ZNF493: variants seen among roughly 807,000 people sequenced by gnomAD.
ZNF493 encodes zinc finger protein 493.
In ZNF493, 11 loss-of-function variants were observed where a neutral mutation model predicts 12.2. The observed-to-expected ratio is 0.90, with a 90% CI of 0.57 to 1.50. The LOEUF is 1.50. ZNF493 is among the 40% of genes most tolerant of loss of function. The pLI, the probability that ZNF493 is intolerant of heterozygous loss-of-function variation, is 0.00. For synonymous variants in ZNF493, 286 were observed against 302.6 expected (o/e 0.95, Z 0.57); for missense variants, 950 against 906.6 (o/e 1.05, Z -0.61).
rs149285716 is a variant in ZNF493 at position 21,425,940 on chromosome 19, G to A, written c.*956G>A. 1,210 of 683,836 alleles carry A rather than the reference G, an allele frequency of 1.8e-3. 13 individuals carry two copies. The African/African-American group carries it at 0.019, about 10-fold the overall frequency. 42.4% of individuals were successfully genotyped at this position (683,836 alleles called of 1,614,324 possible). A position where few individuals can be genotyped will look rare whatever the true frequency, so the allele number is the denominator to read the frequency against. ...CATACAGGAGAGAAACCCTACAAATGTGAAGAATGTGACAAAGCCTTTAAC... is the reference window on the plus strand; with the variant it reads ...CATACAGGAGAGAAACCCTACAAATATGAAGAATGTGACAAAGCCTTTAAC... On this transcript the variant is annotated 3_prime_UTR_variant, in exon 4 of 4. Coordinates refer to ENST00000392288, the MANE Select transcript of ZNF493 (RefSeq NM_001076678.3).
intron 3 of ZNF493, among the ~76,000 whole-genome samples, chr19:21,415,705 T>A (rs1436687904): frequency 2.0e-5 from 3 of 152,356 alleles, no homozygotes; most frequent in Non-Finnish European, 4.4e-5. Flanking sequence ...ATTGTTGGAC[T>A]GTTTAACATG....
At chr19:21,407,786 T>C (rs1157869911) in intron 3 of ZNF493, 1 of 985,038 alleles carries the variant, frequency 1.0e-6, no homozygotes, top group African/African-American at 1.7e-5. Context: ...CTTATTTGTC[T>C]TCAGTTTCAA....
At chr19:21,400,245 A>G (rs2029895467) in intron 1 of ZNF493, among the ~76,000 whole-genome samples, 1 of 152,154 alleles carries the variant, frequency 6.6e-6, no homozygotes, top group Non-Finnish European at 1.5e-5. Context: ...CCCTGCCTCT[A>G]CTAAAAATAG....
In ZNF493 at chr19:21,399,406, C is replaced by T. The variant is rs528026158; in HGVS notation, c.30+2139C>T. 1.3e-4 allele frequency among the ~76,000 whole-genome samples: 20 copies of T among 151,752 alleles called. No homozygotes were observed. In the East Asian group the frequency reaches 2.1e-3, roughly 16 times the overall value. ...CAATCTCCTGACCTCATAATCCATC[C>T]GCCTCGGCCTCCCAAAGTGCTGGGA... On this transcript the variant is annotated intron_variant, in intron 1 of 3. Transcript: ENST00000392288.
At chr19:21,405,717 G>A in intron 2 of ZNF493, 44 bp from the exon 3 acceptor site, 1 of 1,535,228 alleles carries the variant, frequency 6.5e-7, no homozygotes, top group Non-Finnish European at 9.0e-7. Flanking sequence ...TAGGTAATTA[G>A]AGAATATGAG....
chr19:21,401,131 C>T (rs1030379181), intron 1 of ZNF493, among the ~76,000 whole-genome samples: 3 of 152,176 alleles, frequency 2.0e-5, no homozygotes, highest in Non-Finnish European at 4.4e-5. Context: ...TATGTACCTC[C>T]AATGCCTAGT....
intron 3 of ZNF493, among the ~76,000 whole-genome samples, chr19:21,416,485 A>G (rs2030497814): frequency 6.6e-6 from 1 of 152,226 alleles, no homozygotes. Flanking sequence ...ACCAACTCCA[A>G]CTATATTAAA....
In ZNF493 at chr19:21,425,253, AC is replaced by A; in HGVS notation, c.*271del. On this transcript the variant is annotated 3_prime_UTR_variant, in exon 4 of 4. Coordinates refer to ENST00000392288, the MANE Select transcript of ZNF493 (RefSeq NM_001076678.3). Reference sequence around the variant, plus strand: ...CCTTACTAAACATAAGAGAATTCATACCATAGAGAAATCCTACAAATATGAA... The same window carrying A: ...CCTTACTAAACATAAGAGAATTCATACATAGAGAAATCCTACAAATATGAA... 1 of 507,794 alleles carries A rather than the reference AC, an allele frequency of 2.0e-6. No homozygotes were observed. Among genetic ancestry groups the A allele is most frequent in the Non-Finnish European group, 3.7e-6 (1 of 272,500 alleles). The allele number at this position is 507,794 out of a possible 1,614,324, so 31.5% of individuals were successfully genotyped here. A position where few individuals can be genotyped will look rare whatever the true frequency, so the allele number is the denominator to read the frequency against.
rs753714278 is a variant in ZNF493, at chr19:21,405,789, C to T, written c.186C>T (p.Val62=). 12 of 1,609,842 alleles carry T rather than the reference C, an allele frequency of 7.5e-6. No homozygotes were observed. The highest frequency in any genetic ancestry group is 1.0e-5 in the Non-Finnish European group (12 of 1,178,158). ...LGIAVSKPDL[V]TCLEQGKDPW... The stretch of plus-strand genomic sequence containing the variant: ...TTGCTGTCTCTAAGCCAGATCTGGT[C>T]ACCTGTCTGGAGCAAGGAAAAGATC... Residue 62 remains valine (V), a synonymous_variant, in exon 3 of 4, where the codon GTC becomes GTT. Coordinates refer to ENST00000392288, the MANE Select transcript of ZNF493 (RefSeq NM_001076678.3).
At position 21,425,646 on chromosome 19, in the gene ZNF493, A is replaced by G. The variant is rs1035271992; in HGVS notation, c.*662A>G. On this transcript the variant is annotated 3_prime_UTR_variant, in exon 4 of 4. Transcript: ENST00000392288. ...TGGCAAACCTTTTAACCAATCCTCA[A>G]CCCTTACTACACATTAGATAATTCA... is the stretch of plus-strand genomic sequence containing the variant. The G allele has an allele frequency of 2.8e-4, 227 of 817,806 alleles. No homozygotes were observed. The highest frequency in any genetic ancestry group is 3.9e-4 in the Admixed American group (20 of 51,716). The allele number at this position is 817,806 out of a possible 1,614,324, so 50.7% of individuals were successfully genotyped here. A position where few individuals can be genotyped will look rare whatever the true frequency, so the allele number is the denominator to read the frequency against.
At chr19:21,405,018 AAGTC>A (rs1204350951) in intron 1 of ZNF493, 107 bp from the exon 2 acceptor site, 13 of 1,500,422 alleles carry the variant, frequency 8.7e-6, no homozygotes, top group Admixed American at 2.4e-5. Flanking sequence ...TCATTCCTGT[AAGTC>A]AGAACGAATT....
intron 3 of ZNF493, among the ~76,000 whole-genome samples, chr19:21,418,169 T>C (rs898838905): frequency 2.6e-5 from 4 of 152,160 alleles, no homozygotes; most frequent in African/African-American, 4.8e-5. Flanking sequence ...AAGAAAGATC[T>C]GGAGGGTCAG....
chr19:21,417,441 G>A (rs1465036738), intron 3 of ZNF493, among the ~76,000 whole-genome samples: 1 of 152,076 alleles, frequency 6.6e-6, no homozygotes, highest in Non-Finnish European at 1.5e-5. Flanking sequence ...CCTGGCAATC[G>A]GGATTAGCAT....
At chr19:21,422,187 C>A (rs2030698182) in intron 3 of ZNF493, among the ~76,000 whole-genome samples, 1 of 152,148 alleles carries the variant, frequency 6.6e-6, no homozygotes, top group South Asian at 2.1e-4. Context: ...ACTTGCTACA[C>A]CTGTTTTCTT....
At chr19:21,415,453 G>A (rs759961149) in intron 3 of ZNF493, among the ~76,000 whole-genome samples, 37 of 152,054 alleles carry the variant, frequency 2.4e-4, no homozygotes, top group Non-Finnish European at 4.9e-4. Context: ...TCCTTTCTGT[G>A]GCACAATGGT....
chr19:21,423,711 G>T lies in ZNF493; in HGVS notation c.1052G>T (p.Cys351Phe). ...IIHTEEKSHR[C>F]EEYCKAYKES... ...CACACTGAAGAGAAATCCCACAGAT[G>T]TGAAGAATATTGCAAAGCTTATAAG... The change falls in exon 4 of 4, where the codon TGT becomes TTT. Residue 351 changes from cysteine to phenylalanine, a missense_variant. Transcript: ENST00000392288. 1 of 1,613,544 alleles carries T rather than the reference G, an allele frequency of 6.2e-7. No homozygotes were observed. Among genetic ancestry groups the T allele is most frequent in the Non-Finnish European group, 8.5e-7 (1 of 1,179,746 alleles).
intron 3 of ZNF493, chr19:21,408,377 G>T: frequency 1.1e-6 from 1 of 936,684 alleles, no homozygotes; most frequent in Non-Finnish European, 1.3e-6. Context: ...TGATCCACCC[G>T]CCTTGGCCTC....
At position 21,426,370 on chromosome 19, in the gene ZNF493, C is replaced by T. The variant is rs1160235540; in HGVS notation, c.*1386C>T. The T allele has an allele frequency of 1.2e-5, 2 of 171,912 alleles. No individual in the cohort carries two copies. Among genetic ancestry groups the T allele is most frequent in the Non-Finnish European group, 2.8e-5 (2 of 71,096 alleles). The allele number at this position is 171,912 out of a possible 1,614,324, so 10.6% of individuals were successfully genotyped here. ...GTAGAAATATAGACTGTGAAAAAGA[C>T]GTCAATATCTGCTCACATCTTACTA... On this transcript the variant is annotated 3_prime_UTR_variant, in exon 4 of 4. Transcript: ENST00000392288.
chr19:21,422,051 G>T (rs2030693811), intron 3 of ZNF493, among the ~76,000 whole-genome samples: 1 of 152,018 alleles, frequency 6.6e-6, no homozygotes, highest in African/African-American at 2.4e-5. Flanking sequence ...TCACCATTTT[G>T]GCCAGCATAG....
Sources: gnomAD v4.1 joint callset for allele counts (sites outside exome capture counted in the v4.1 genomes callset) on GRCh38, gnomAD v4.1.1 for gene constraint, MANE v1.5 for transcripts, NCBI Gene and HGNC (gene_info 2026-07-23, HGNC 2026-07-21) for gene names.